The following ACAD9 variants were observed in gnomAD, a reference collection of about 807,000 sequenced individuals.
ACAD9 encodes complex I assembly factor ACAD9, mitochondrial.
ACAD9 carries 53 observed loss-of-function variants against 70.2 expected under a neutral mutation model. That is an observed-to-expected ratio of 0.75 (90% CI 0.61 to 0.95). The LOEUF is 0.95. Among genes scored for constraint, ACAD9 ranks in the 40% least tolerant of loss-of-function variants. The probability of loss-of-function intolerance (pLI) is 0.00; values close to 1 mark genes in which losing one functional copy is unlikely to be tolerated. For synonymous variants in ACAD9, 313 were observed against 312.1 expected, an observed-to-expected ratio of 1.00 and a Z score of -0.03; for missense variants, 777 against 802.8, an observed-to-expected ratio of 0.97 and a Z score of 0.39.
chr3:128,896,847 G>T (rs937479396), intron 5 of ACAD9, among the ~76,000 whole-genome samples: 1 of 152,176 alleles, frequency 6.6e-6, no homozygotes, highest in Non-Finnish European at 1.5e-5. Context: ...AATATATAGC[G>T]TGGGTGGTAC....
chr3:128,908,378 T>C, intron 13 of ACAD9, 114 bp downstream of exon 13: 1 of 1,293,262 alleles, frequency 7.7e-7, no homozygotes, highest in Admixed American at 1.7e-5. Flanking sequence ...CATGGGGGTG[T>C]GGCGCAGCCT....
intron 2 of ACAD9, among the ~76,000 whole-genome samples, chr3:128,885,297 C>T (rs925207015): frequency 1.3e-5 from 2 of 152,232 alleles, no homozygotes; most frequent in Non-Finnish European, 2.9e-5. Flanking sequence ...GGTGGATGGA[C>T]AGCAGGTCTT....
chr3:128,884,837 C>A, intron 2 of ACAD9, 91 bp downstream of exon 2: 1 of 1,006,280 alleles, frequency 9.9e-7, no homozygotes, highest in African/African-American at 1.6e-5. Flanking sequence ...TAGGAGAAGT[C>A]TTCTTGAGGG....
chr3:128,896,608 G>C lies in ACAD9; in HGVS notation c.554+72G>C, dbSNP rs983358066. 2.0e-6 allele frequency: 3 copies of C among 1,470,750 alleles called. No individual in the cohort carries two copies. In the Admixed American group the frequency reaches 5.3e-5, roughly 26 times the overall value. 91.1% of individuals were successfully genotyped at this position (1,470,750 alleles called of 1,614,324 possible). ...CCAAGATTCACTGGGGCAAGGGGCT[G>C]TTGGTTTTGTTGAGTAGCTGACTTT... On this transcript the variant is annotated intron_variant, in intron 5 of 17. Transcript: ENST00000308982.
intron 1 of ACAD9, among the ~76,000 whole-genome samples, chr3:128,882,284 A>G (rs1935117504): frequency 6.6e-6 from 1 of 152,168 alleles, no homozygotes; most frequent in South Asian, 2.1e-4. Context: ...TTCCCACCCA[A>G]TCCTGCTCCT....
chr3:128,897,636 A>G lies in ACAD9; in HGVS notation c.559A>G (p.Ser187Gly). The G allele has an allele frequency of 6.2e-7, 1 of 1,613,244 alleles. No individual in the cohort carries two copies. The highest frequency in any genetic ancestry group is 8.5e-7 in the Non-Finnish European group (1 of 1,179,518). Residue 187 changes from serine (S) to glycine (G), a missense_variant, in exon 6 of 18, where the codon AGC (serine) becomes GGC (glycine). Ser to Gly is a moderately conservative substitution (Grantham distance 56). Transcript: ENST00000308982. ...AFCLTEPASG[S>G]DAASIRSRAT... is the part of the protein sequence containing the mutation. ...CACATCTTTCTGCATCTGCAGTGGG[A>G]GCGATGCAGCCTCAATCCGGAGCAG...
rs1484426821 is a variant in ACAD9 at position 128,901,300 on chromosome 3, C to T, written c.833C>T (p.Thr278Ile). ...SNTCEVHFEN[T>I]KIPVENILGE... ...GCTTGTGAAGTCCATTTTGAAAACA[C>T]CAAGATACCTGTGGAAAACATCCTT... The change falls in exon 8 of 18, where the codon ACC (threonine) becomes ATC (isoleucine). Residue 278 changes from threonine (T) to isoleucine (I), a missense_variant. Transcript: ENST00000308982. 4 of 1,614,054 alleles carry T rather than the reference C, an allele frequency of 2.5e-6. No homozygotes were observed. The Admixed American group carries it at 5.0e-5, about 20-fold the overall frequency.
intron 7 of ACAD9, 73 bp downstream of exon 7, chr3:128,899,534 G>T: frequency 8.2e-7 from 1 of 1,222,134 alleles, no homozygotes; most frequent in Non-Finnish European, 1.1e-6. Context: ...GTGTGTGTGT[G>T]TGTGTGTGTG....
intron 2 of ACAD9, among the ~76,000 whole-genome samples, chr3:128,886,949 A>T (rs759279360): frequency 6.6e-6 from 1 of 150,840 alleles, no homozygotes; most frequent in East Asian, 2.0e-4. Flanking sequence ...TGTTTCTGAG[A>T]CAGTCTTGCT....
intron 15 of ACAD9, 171 bp from the exon 16 acceptor site, chr3:128,909,850 C>A: frequency 1.1e-6 from 1 of 905,562 alleles, no homozygotes; most frequent in Non-Finnish European, 1.7e-6. Flanking sequence ...GAAGGGAAAA[C>A]AGAAGGTGGC....
intron 14 of ACAD9, 61 bp downstream of exon 14, chr3:128,909,160 G>T (rs1386477840): frequency 1.9e-6 from 3 of 1,609,812 alleles, no homozygotes; most frequent in Non-Finnish European, 2.5e-6. Flanking sequence ...TCTCCTTGTG[G>T]CAGAAAAGAT....
At chr3:128,906,037 T>C (rs1683777) in intron 11 of ACAD9, 84 bp from the exon 12 acceptor site, 1 of 1,596,696 alleles carries the variant, frequency 6.3e-7, no homozygotes, top group Non-Finnish European at 8.6e-7. Flanking sequence ...CCCAAGCCCG[T>C]GTGCCTCCCA....
At chr3:128,883,251 AG>A (rs1935145525) in intron 1 of ACAD9, among the ~76,000 whole-genome samples, 1 of 151,500 alleles carries the variant, frequency 6.6e-6, no homozygotes, top group African/African-American at 2.4e-5. Flanking sequence ...AACCACGCCC[AG>A]GCTGGTTTTG....
In ACAD9 at chr3:128,897,639, G is replaced by A. The variant is rs748555737; in HGVS notation, c.562G>A (p.Asp188Asn). 63 of 1,613,352 alleles carry A rather than the reference G, an allele frequency of 3.9e-5. No homozygotes were observed. Among genetic ancestry groups the A allele is most frequent in the Non-Finnish European group, 5.2e-5 (61 of 1,179,690 alleles). The change falls in exon 6 of 18, where the codon GAT becomes AAT. Residue 188 changes from aspartate (D) to asparagine (N), a missense_variant. Physicochemically the swap from Asp to Asn is conservative, Grantham distance 23 (BLOSUM62 1). Coordinates refer to ENST00000308982, the MANE Select transcript of ACAD9 (RefSeq NM_014049.5). ...FCLTEPASGS[D>N]AASIRSRATL... is the part of the protein sequence containing the mutation. The stretch of plus-strand genomic sequence containing the variant: ...ATCTTTCTGCATCTGCAGTGGGAGC[G>A]ATGCAGCCTCAATCCGGAGCAGAGC...
At position 128,893,635 on chromosome 3, in the gene ACAD9, CT is replaced by C. The variant is rs752971553; in HGVS notation, c.326del (p.Leu109ArgfsTer20). 3.1e-6 allele frequency: 5 copies of C among 1,614,062 alleles called. No individual in the cohort carries two copies. The highest frequency in any genetic ancestry group is 4.2e-6 in the Non-Finnish European group (5 of 1,179,944). ...EKLKSLGLFG[L>X]QVPEEYGGLG... The stretch of plus-strand genomic sequence containing the variant: ...ATTGAAGAGCCTAGGGCTTTTTGGG[CT>C]GCAAGTCCCAGAAGAATATGGTAAG... On this transcript the variant is annotated frameshift_variant, in exon 3 of 18. Transcript: ENST00000308982. LOFTEE classifies it high-confidence loss of function.
intron 12 of ACAD9, 145 bp downstream of exon 12, chr3:128,906,394 C>G (rs184904240): frequency 3.8e-4 from 481 of 1,271,118 alleles, no homozygotes; most frequent in Admixed American, 1.2e-3. Flanking sequence ...GGCACGTCTC[C>G]TTCCCGACTG....
intron 2 of ACAD9, among the ~76,000 whole-genome samples, chr3:128,893,200 A>T (rs2107648474): frequency 6.6e-6 from 1 of 151,710 alleles, no homozygotes; most frequent in Admixed American, 6.6e-5. Context: ...AAAAAAAAAA[A>T]TTAGCTGGGT....
intron 17 of ACAD9, 74 bp from the exon 18 acceptor site, chr3:128,912,433 T>C: frequency 7.2e-7 from 1 of 1,381,520 alleles, no homozygotes; most frequent in Non-Finnish European, 1.0e-6. Flanking sequence ...TGTGGAAAAA[T>C]GCCCCCACTT....
chr3:128,903,479 C>T (rs1033594373), intron 9 of ACAD9, among the ~76,000 whole-genome samples: 4 of 152,216 alleles, frequency 2.6e-5, no homozygotes, highest in African/African-American at 7.2e-5. Context: ...CCTGAGTGCA[C>T]CACACCTGGG....
Sources: allele counts gnomAD v4.1 joint callset (sites outside exome capture counted in the v4.1 genomes callset), GRCh38; gene constraint gnomAD v4.1.1; transcripts MANE v1.5; gene names NCBI Gene and HGNC (gene_info 2026-07-23, HGNC 2026-07-21).